The following PAIP1 variants were observed in gnomAD, a reference collection of about 807,000 sequenced individuals.
PAIP1 encodes the protein polyadenylate-binding protein-interacting protein 1.
PAIP1 carries 16 observed loss-of-function variants against 61.3 expected under a neutral mutation model. The observed-to-expected ratio is 0.26, with a 90% CI of 0.18 to 0.40. PAIP1 has a LOEUF of 0.40. Ranked by LOEUF, PAIP1 falls within the 10% of genes least tolerant of loss-of-function variation. The pLI, the probability that PAIP1 is intolerant of heterozygous loss-of-function variation, is 1.00. For synonymous variants in PAIP1, 187 were observed against 226.2 expected, an observed-to-expected ratio of 0.83 and a Z score of 1.56; for missense variants, 416 against 600.9, an observed-to-expected ratio of 0.69 and a Z score of 3.22.
intron 8 of PAIP1, among the ~76,000 whole-genome samples, chr5:43,534,106 G>A (rs1221103959): frequency 2.6e-5 from 4 of 152,116 alleles, no homozygotes; most frequent in Non-Finnish European, 4.4e-5. Context: ...TTTCTTTTAA[G>A]AATTTCCAGG....
At chr5:43,549,641 A>C (rs1747786413) in intron 2 of PAIP1, among the ~76,000 whole-genome samples, 1 of 152,180 alleles carries the variant, frequency 6.6e-6, no homozygotes, top group South Asian at 2.1e-4. Context: ...CAGCAGCATG[A>C]AAATGGACCA....
At position 43,538,908 on chromosome 5, in the gene PAIP1, A is replaced by G. The variant is rs373470549; in HGVS notation, c.846+16T>C. 9 of 1,401,970 alleles carry G rather than the reference A, an allele frequency of 6.4e-6. No homozygotes were observed. Among genetic ancestry groups the G allele is most frequent in the Admixed American group, 1.7e-5 (1 of 59,566 alleles). The allele number at this position is 1,401,970 out of a possible 1,614,324, so 86.8% of individuals were successfully genotyped here. A position where few individuals can be genotyped will look rare whatever the true frequency, so the allele number is the denominator to read the frequency against. ...CTCAGGCCTTGTTAGTACTTAACAA[A>G]AGAAAAACTTCTCACCTCCAGGTTA... On this transcript the variant is annotated intron_variant, in intron 5 of 10. Coordinates refer to ENST00000306846, the MANE Select transcript of PAIP1 (RefSeq NM_006451.5).
At chr5:43,557,109 C>A, upstream of PAIP1, 9 of 553,044 alleles carry the variant, frequency 1.6e-5, no homozygotes, top group Non-Finnish European at 2.1e-5. Flanking sequence ...TCCCCGCCTT[C>A]GGCGCGGCAG....
intron 2 of PAIP1, among the ~76,000 whole-genome samples, chr5:43,549,494 TTCC>T (rs1458794737): frequency 1.3e-5 from 2 of 152,126 alleles, no homozygotes; most frequent in Non-Finnish European, 2.9e-5. Flanking sequence ...CTTTTGCTTC[TTCC>T]TCATTTTTCT....
chr5:43,550,015 T>C (rs1747801409), intron 2 of PAIP1, among the ~76,000 whole-genome samples: 1 of 151,042 alleles, frequency 6.6e-6, no homozygotes, highest in Non-Finnish European at 1.5e-5. Context: ...AGAGCCACCA[T>C]GCCCGGCCTA....
rs567149739 is a variant in PAIP1 at position 43,552,106 on chromosome 5, TA to T, written c.435+3723del. Among the ~76,000 whole-genome samples, 5 of 152,308 alleles carry T rather than the reference TA, an allele frequency of 3.3e-5. No homozygotes were observed. The South Asian group carries it at 1.0e-3, about 32-fold the overall frequency. The stretch of plus-strand genomic sequence containing the variant: ...ACTTTTTCATGGTAGGTACTCTATA[TA>T]CATTGTCAAGAGATGAGAACCTATT... On this transcript the variant is annotated intron_variant, in intron 2 of 10. Coordinates refer to ENST00000306846, the MANE Select transcript of PAIP1 (RefSeq NM_006451.5).
At chr5:43,543,583 C>T (rs1747507700) in intron 3 of PAIP1, among the ~76,000 whole-genome samples, 2 of 152,018 alleles carry the variant, frequency 1.3e-5, no homozygotes, top group Non-Finnish European at 2.9e-5. Context: ...CCTCCCTGAG[C>T]TTCAGTTAGA....
chr5:43,542,392 C>T (rs998224834), intron 4 of PAIP1, among the ~76,000 whole-genome samples: 2 of 151,474 alleles, frequency 1.3e-5, no homozygotes, highest in African/African-American at 4.9e-5. Flanking sequence ...ATTAGCCGGG[C>T]ATGGTGGCGG....
Position 43,527,386 on chromosome 5 carries a change from C to T in PAIP1, c.1430G>A (p.Arg477Gln), listed in dbSNP as rs200129628. The T allele has an allele frequency of 3.8e-5, 61 of 1,589,144 alleles. No individual in the cohort carries two copies. Among genetic ancestry groups the T allele is most frequent in the Admixed American group, 3.3e-4 (18 of 54,970 alleles). Residue 477 changes from arginine (R) to glutamine (Q), a missense_variant, in exon 11 of 11, where the codon CGA (arginine) becomes CAA (glutamine). Arg to Gln is a conservative substitution (Grantham distance 43). Around this residue, in one of 4 missense-constraint regions of PAIP1, gnomAD observed 135 missense variants for 283.9 expected, o/e 0.48. Coordinates refer to ENST00000306846, the MANE Select transcript of PAIP1 (RefSeq NM_006451.5). ...EKFCLESERK[R>Q]KQ ...TGCTGAAATTTAACTTTACTGTTTT[C>T]GCTTACGCTCTGATTCCAAACAAAA...
chr5:43,529,116 A>G (rs1412309240), intron 10 of PAIP1, among the ~76,000 whole-genome samples: 1 of 116,898 alleles, frequency 8.6e-6, no homozygotes, highest in Non-Finnish European at 1.7e-5. Context: ...ATGTATTCTC[A>G]TGTAGTTCTC....
At chr5:43,547,315 A>G (rs1385740860) in intron 3 of PAIP1, among the ~76,000 whole-genome samples, 1 of 152,010 alleles carries the variant, frequency 6.6e-6, no homozygotes, top group Non-Finnish European at 1.5e-5. Context: ...TAATACTACT[A>G]TTCAATTCAA....
Position 43,557,054 on chromosome 5 carries a change from C to A in PAIP1, c.-208G>T. ...CACCCGCCGCTCCAGAGCGCCCGCC[C>A]CGCTCGGCTACCCTCGGCTTTCCAG... On this transcript the variant is annotated 5_prime_UTR_variant, in exon 1 of 11. Transcript: ENST00000306846. 1 of 914,990 alleles carries A rather than the reference C, an allele frequency of 1.1e-6. No homozygotes were observed. The highest frequency in any genetic ancestry group is 1.4e-6 in the Non-Finnish European group (1 of 696,704). 56.7% of individuals were successfully genotyped at this position (914,990 alleles called of 1,614,324 possible).
chr5:43,532,802 G>A (rs1442333951), intron 9 of PAIP1, among the ~76,000 whole-genome samples: 1 of 152,156 alleles, frequency 6.6e-6, no homozygotes, highest in Admixed American at 6.5e-5. Flanking sequence ...TGAACAAAGA[G>A]TATTAGCAGG....
chr5:43,541,657 T>C (rs1042173850), intron 4 of PAIP1, among the ~76,000 whole-genome samples: 8 of 104,448 alleles, frequency 7.7e-5, no homozygotes, highest in African/African-American at 2.8e-4. Context: ...AACCACACAA[T>C]GGAATGCTTT....
chr5:43,552,922 T>C (rs1279730089), intron 2 of PAIP1, among the ~76,000 whole-genome samples: 1 of 152,074 alleles, frequency 6.6e-6, no homozygotes, highest in East Asian at 1.9e-4. Context: ...ATAGTATCAA[T>C]ACAATTAGGG....
chr5:43,549,552 T>C (rs888958420), intron 2 of PAIP1, among the ~76,000 whole-genome samples: 1 of 152,088 alleles, frequency 6.6e-6, no homozygotes, highest in Admixed American at 6.6e-5. Context: ...CCCGCCATGA[T>C]TCTGAGGCTT....
chr5:43,538,845 A>T lies in PAIP1; in HGVS notation c.846+79T>A. Reference sequence around the variant, plus strand: ...TCACTCTTAATGTTGTAAAAGTACAATGTGAACACAAATTCCTCATTGAGA... The same window carrying T: ...TCACTCTTAATGTTGTAAAAGTACATTGTGAACACAAATTCCTCATTGAGA... On this transcript the variant is annotated intron_variant, in intron 5 of 10. Transcript: ENST00000306846. 3 of 764,672 alleles carry T rather than the reference A, an allele frequency of 3.9e-6. No homozygotes were observed. The South Asian group carries it at 4.6e-5, about 12-fold the overall frequency. The allele number at this position is 764,672 out of a possible 1,614,324, so 47.4% of individuals were successfully genotyped here. A position where few individuals can be genotyped will look rare whatever the true frequency, so the allele number is the denominator to read the frequency against.
At chr5:43,553,614 C>T (rs1253860614) in intron 2 of PAIP1, among the ~76,000 whole-genome samples, 2 of 151,822 alleles carry the variant, frequency 1.3e-5, no homozygotes, top group African/African-American at 4.8e-5. Flanking sequence ...TCCTAAGAGT[C>T]GGGGGAAAAA....
intron 3 of PAIP1, among the ~76,000 whole-genome samples, chr5:43,545,347 T>A (rs1429938425): frequency 6.6e-6 from 1 of 152,210 alleles, no homozygotes; most frequent in African/African-American, 2.4e-5. Flanking sequence ...TAGAGTTCCT[T>A]TTCCTGGTTC....
Sources: allele counts gnomAD v4.1 joint callset (sites outside exome capture counted in the v4.1 genomes callset), GRCh38; gene constraint gnomAD v4.1.1; regional missense constraint gnomAD v4.1.1; transcripts MANE v1.5; gene names NCBI Gene and HGNC (gene_info 2026-07-23, HGNC 2026-07-21).